Variants in DNER observed in about 807,000 individuals in gnomAD.
DNER encodes the protein delta and Notch-like epidermal growth factor-related receptor.
In DNER, 33 loss-of-function variants were observed where a neutral mutation model predicts 78.2. The observed-to-expected ratio is 0.42, with a 90% CI of 0.32 to 0.56. DNER has a LOEUF of 0.56. DNER is among the 20% of genes least tolerant of loss of function. The pLI is 0.11. For synonymous variants in DNER, 417 were observed against 384.8 expected (o/e 1.08, Z -0.98); for missense variants, 918 against 975.3 (o/e 0.94, Z 0.78).
intron 5 of DNER, among the ~76,000 whole-genome samples, chr2:229,531,162 C>T (rs905535500): frequency 6.6e-6 from 1 of 152,200 alleles, no homozygotes; most frequent in Non-Finnish European, 1.5e-5. Flanking sequence ...CTGCCCTAGC[C>T]TAGGCCAGTA....
At chr2:229,418,465 T>C (rs1462660977) in intron 8 of DNER, among the ~76,000 whole-genome samples, 1 of 152,114 alleles carries the variant, frequency 6.6e-6, no homozygotes, top group Non-Finnish European at 1.5e-5. Flanking sequence ...AAAGAAGTGA[T>C]TCCATTTATC....
rs546452409 is a variant in DNER, at chr2:229,492,093, C to T, written c.1148-14840G>A. On this transcript the variant is annotated intron_variant, in intron 6 of 12. Transcript: ENST00000341772. ...CTTCCTCACTGAAATATGACTTCCA[C>T]GAGCACAGGGACTTTGCTTCATTCT... is the stretch of plus-strand genomic sequence containing the variant. Among the ~76,000 whole-genome samples the T allele has an allele frequency of 9.8e-5, 15 of 152,292 alleles. No homozygotes were observed. In the South Asian group the frequency reaches 1.5e-3, roughly 15 times the overall value.
intron 6 of DNER, among the ~76,000 whole-genome samples, chr2:229,483,693 C>T (rs908570811): frequency 6.6e-6 from 1 of 152,172 alleles, no homozygotes; most frequent in Non-Finnish European, 1.5e-5. Flanking sequence ...AAAAAACTCA[C>T]CCCTGGACCC....
At chr2:229,458,920 T>C (rs574965600) in intron 7 of DNER, among the ~76,000 whole-genome samples, 1 of 152,090 alleles carries the variant, frequency 6.6e-6, no homozygotes, top group African/African-American at 2.4e-5. Flanking sequence ...TTTAGCAAAC[T>C]GTCAGCATAC....
intron 4 of DNER, among the ~76,000 whole-genome samples, chr2:229,584,052 T>G (rs1697451215): frequency 6.6e-6 from 1 of 152,238 alleles, no homozygotes; most frequent in Admixed American, 6.5e-5. Context: ...GACCTGAGCA[T>G]TTTCTTACAT....
chr2:229,507,613 C>A (rs892333951), intron 6 of DNER, among the ~76,000 whole-genome samples: 1 of 152,056 alleles, frequency 6.6e-6, no homozygotes, highest in Non-Finnish European at 1.5e-5. Context: ...CTGTCTGTAG[C>A]TTTGAAGAAA....
At chr2:229,681,650 G>A (rs575646314) in intron 1 of DNER, among the ~76,000 whole-genome samples, 30 of 152,090 alleles carry the variant, frequency 2.0e-4, no homozygotes, top group African/African-American at 5.8e-4. Context: ...TCCCTGAGTC[G>A]TGGGCAGCCA....
chr2:229,516,920 A>G (rs1438175298), intron 5 of DNER, among the ~76,000 whole-genome samples: 2 of 151,368 alleles, frequency 1.3e-5, no homozygotes, highest in Admixed American at 1.3e-4. Flanking sequence ...ATCCTGGCCA[A>G]CATGGTGAAA....
chr2:229,528,200 A>G (rs1696240954), intron 5 of DNER, among the ~76,000 whole-genome samples: 1 of 152,208 alleles, frequency 6.6e-6, no homozygotes, highest in Admixed American at 6.5e-5. Context: ...GTCCCTGCTC[A>G]CTCAAAAGAC....
intron 1 of DNER, among the ~76,000 whole-genome samples, chr2:229,614,316 G>A (rs943376391): frequency 6.6e-6 from 1 of 152,050 alleles, no homozygotes; most frequent in Non-Finnish European, 1.5e-5. Context: ...ATTTTGTTTG[G>A]CACTGAGCAG....
chr2:229,544,417 G>T (rs1305609710), intron 5 of DNER, among the ~76,000 whole-genome samples: 1 of 152,072 alleles, frequency 6.6e-6, no homozygotes, highest in African/African-American at 2.4e-5. Flanking sequence ...TAGCAGAAAT[G>T]ATTACTTTCA....
chr2:229,672,798 A>T (rs1162447652), intron 1 of DNER, among the ~76,000 whole-genome samples: 1 of 152,188 alleles, frequency 6.6e-6, no homozygotes, highest in Admixed American at 6.5e-5. Flanking sequence ...CTGCCTGCCC[A>T]TGTTTAAGGG....
chr2:229,609,611 A>G (rs1698007094), intron 1 of DNER, among the ~76,000 whole-genome samples: 1 of 152,208 alleles, frequency 6.6e-6, no homozygotes, highest in Non-Finnish European at 1.5e-5. Flanking sequence ...CGCCCTTTAC[A>G]GAAAAAGTTT....
chr2:229,478,965 C>G (rs972124790), intron 6 of DNER, among the ~76,000 whole-genome samples: 3 of 152,094 alleles, frequency 2.0e-5, no homozygotes, highest in African/African-American at 7.2e-5. Flanking sequence ...TCTCCTTCCC[C>G]AAACCCCCAC....
At chr2:229,553,482 C>T (rs1164711274) in intron 4 of DNER, among the ~76,000 whole-genome samples, 1 of 152,126 alleles carries the variant, frequency 6.6e-6, no homozygotes, top group Non-Finnish European at 1.5e-5. Flanking sequence ...CACAGGGGAG[C>T]AGTGGGGACA....
chr2:229,427,434 G>A (rs570561942), intron 8 of DNER, among the ~76,000 whole-genome samples: 5 of 152,280 alleles, frequency 3.3e-5, no homozygotes, highest in African/African-American at 4.8e-5. Context: ...GGGGCTATCT[G>A]GTGAGTAAAA....
intron 8 of DNER, among the ~76,000 whole-genome samples, chr2:229,425,764 T>A (rs562804651): frequency 1.5e-3 from 231 of 152,284 alleles, no homozygotes; most frequent in African/African-American, 5.2e-3. Flanking sequence ...GTGCAACAAA[T>A]TCCCAGCGAC....
At chr2:229,628,968 C>G (rs6726280) in intron 1 of DNER, among the ~76,000 whole-genome samples, 1 of 152,080 alleles carries the variant, frequency 6.6e-6, no homozygotes, top group African/African-American at 2.4e-5. Flanking sequence ...CCAACACCCC[C>G]TCACCCTGCT....
rs79898592 is a variant in DNER, at chr2:229,437,169, A to G, written c.1486+10147T>C. Among the ~76,000 whole-genome samples, 8 of 152,348 alleles carry G rather than the reference A, an allele frequency of 5.3e-5. No homozygotes were observed. In the East Asian group the frequency reaches 1.5e-3, roughly 29 times the overall value. ...ATACAAATAGGATTTTAAAGAGAGCATTGAGGCACTGCATAAAGAAGCACG... is the reference window on the plus strand; with the variant it reads ...ATACAAATAGGATTTTAAAGAGAGCGTTGAGGCACTGCATAAAGAAGCACG... On this transcript the variant is annotated intron_variant, in intron 8 of 12. Transcript: ENST00000341772.
Sources: gnomAD v4.1 joint callset for allele counts (sites outside exome capture counted in the v4.1 genomes callset) on GRCh38, gnomAD v4.1.1 for gene constraint, MANE v1.5 for transcripts, NCBI Gene and HGNC (gene_info 2026-07-23, HGNC 2026-07-21) for gene names.